The following XPR1 variants were observed in gnomAD, a reference collection of about 807,000 sequenced individuals.
The protein encoded by XPR1 is solute carrier family 53 member 1.
Under a neutral mutation model 87.5 loss-of-function variants are expected in XPR1, and 28 were observed. The observed-to-expected ratio is 0.32, with a 90% CI of 0.24 to 0.44. The LOEUF is 0.44. Among genes scored for constraint, XPR1 ranks in the 20% least tolerant of loss-of-function variants. The pLI is 1.00. For missense variants in XPR1, 559 were observed against 862.3 expected (o/e 0.65, Z 4.41); for synonymous variants, 300 against 306.1 (o/e 0.98, Z 0.21).
At chr1:180,848,001 C>G (rs1490099765) in intron 11 of XPR1, among the ~76,000 whole-genome samples, 4 of 152,048 alleles carry the variant, frequency 2.6e-5, no homozygotes, top group African/African-American at 9.7e-5. Context: ...AAATATCACA[C>G]TCAATAAAGC....
chr1:180,708,048 T>G (rs1657617965), intron 2 of XPR1, among the ~76,000 whole-genome samples: 2 of 152,226 alleles, frequency 1.3e-5, no homozygotes, highest in Admixed American at 1.3e-4. Context: ...ATAGACTATT[T>G]AGGCACAATA....
At chr1:180,790,098 A>G (rs1649318488) in intron 3 of XPR1, among the ~76,000 whole-genome samples, 1 of 152,092 alleles carries the variant, frequency 6.6e-6, no homozygotes, top group African/African-American at 2.4e-5. Flanking sequence ...CTGTTGATGT[A>G]TAATACCATG....
intron 1 of XPR1, among the ~76,000 whole-genome samples, chr1:180,656,616 A>G: frequency 9.4e-6 from 1 of 106,594 alleles, no homozygotes; most frequent in South Asian, 2.5e-4. Context: ...TATGTATAAT[A>G]TATTTTATAT....
Position 180,661,117 on chromosome 1 carries a change from A to G in XPR1, c.70-21243A>G, listed in dbSNP as rs116220330. On this transcript the variant is annotated intron_variant, in intron 1 of 14. Transcript: ENST00000367590. ...ATAGTGACCATTTTTATCTATTCTT[A>G]TATTTTTTGTTTTGGAATCTTTGGT... 7.8e-3 allele frequency among the ~76,000 whole-genome samples: 1,184 copies of G among 151,700 alleles called. 17 individuals carry two copies. The highest frequency in any genetic ancestry group is 0.027 in the African/African-American group (1,129 of 41,360).
At chr1:180,765,500 A>G (rs146093425) in intron 2 of XPR1, among the ~76,000 whole-genome samples, 7 of 152,206 alleles carry the variant, frequency 4.6e-5, no homozygotes, top group Non-Finnish European at 7.4e-5. Flanking sequence ...ACTACTTTCA[A>G]ATACAGTTGT....
intron 4 of XPR1, 55 bp downstream of exon 4, chr1:180,803,666 A>G (rs112249722): frequency 3.4e-6 from 5 of 1,468,066 alleles, no homozygotes; most frequent in Non-Finnish European, 4.7e-6. Flanking sequence ...AGAAATTTCA[A>G]TAAATGGAAG....
intron 11 of XPR1, among the ~76,000 whole-genome samples, chr1:180,855,662 CAAA>C (rs1181380970): frequency 2.5e-5 from 2 of 80,856 alleles, no homozygotes; most frequent in Non-Finnish European, 5.2e-5. Flanking sequence ...GACTGTGTCT[CAAA>C]AAAAAAAAAA....
intron 1 of XPR1, among the ~76,000 whole-genome samples, chr1:180,636,237 G>C (rs1466191197): frequency 6.6e-6 from 1 of 152,188 alleles, no homozygotes; most frequent in Non-Finnish European, 1.5e-5. Context: ...TGATTAGGTA[G>C]GTTTAACTTG....
intron 11 of XPR1, among the ~76,000 whole-genome samples, chr1:180,862,236 A>C (rs1652246948): frequency 1.3e-5 from 2 of 152,022 alleles, no homozygotes; most frequent in African/African-American, 2.4e-5. Flanking sequence ...TTTTTCTAAA[A>C]TACAGATCTG....
chr1:180,865,811 T>C (rs1425029771), intron 12 of XPR1, among the ~76,000 whole-genome samples: 1 of 152,236 alleles, frequency 6.6e-6, no homozygotes, highest in African/African-American at 2.4e-5. Context: ...GTTTCTTTGC[T>C]GTTACATATT....
intron 2 of XPR1, among the ~76,000 whole-genome samples, chr1:180,699,036 C>G (rs762587979): frequency 6.6e-6 from 1 of 152,098 alleles, no homozygotes; most frequent in Non-Finnish European, 1.5e-5. Context: ...GCTTCTGGAT[C>G]TGGATAACCA....
At chr1:180,667,661 G>C (rs1656007459) in intron 1 of XPR1, among the ~76,000 whole-genome samples, 1 of 152,164 alleles carries the variant, frequency 6.6e-6, no homozygotes, top group Non-Finnish European at 1.5e-5. Context: ...TTTTGGAAAA[G>C]TTTGGGAAGG....
intron 2 of XPR1, among the ~76,000 whole-genome samples, chr1:180,740,262 A>G (rs1181561316): frequency 6.6e-6 from 1 of 152,026 alleles, no homozygotes; most frequent in Non-Finnish European, 1.5e-5. Context: ...CTTAGCCTTT[A>G]CCATTAGTTA....
chr1:180,847,122 T>G (rs1426117823), intron 11 of XPR1, among the ~76,000 whole-genome samples: 3 of 152,162 alleles, frequency 2.0e-5, no homozygotes, highest in African/African-American at 4.8e-5. Flanking sequence ...AATGTTGAAG[T>G]CTACACAACA....
intron 2 of XPR1, among the ~76,000 whole-genome samples, chr1:180,731,652 T>G (rs1364983109): frequency 6.6e-6 from 1 of 152,238 alleles, no homozygotes; most frequent in Non-Finnish European, 1.5e-5. Context: ...AAGGTGAAAT[T>G]AAATTTAATA....
At chr1:180,868,517 A>G (rs1209895468) in intron 12 of XPR1, among the ~76,000 whole-genome samples, 2 of 60,274 alleles carry the variant, frequency 3.3e-5, no homozygotes, top group East Asian at 6.1e-4. Context: ...TTCTCCTTGA[A>G]GATGTCCTTC....
intron 12 of XPR1, 67 bp from the exon 13 acceptor site, chr1:180,873,736 C>A: frequency 6.4e-7 from 1 of 1,556,134 alleles, no homozygotes; most frequent in Non-Finnish European, 8.8e-7. Context: ...AGGACATATG[C>A]TCATTGGTAT....
At chr1:180,706,090 G>T (rs1657548230) in intron 2 of XPR1, among the ~76,000 whole-genome samples, 1 of 152,196 alleles carries the variant, frequency 6.6e-6, no homozygotes, top group African/African-American at 2.4e-5. Context: ...GTTATCACTG[G>T]AGAATAGTTA....
intron 2 of XPR1, among the ~76,000 whole-genome samples, chr1:180,751,590 A>G (rs79067681): frequency 0.22 from 33,960 of 152,012 alleles, 3,897 homozygotes; most frequent in Middle Eastern, 0.29. Flanking sequence ...ACATTTGGTG[A>G]GCATTAACAT....
Sources: allele counts gnomAD v4.1 joint callset (sites outside exome capture counted in the v4.1 genomes callset), GRCh38; gene constraint gnomAD v4.1.1; transcripts MANE v1.5; gene names NCBI Gene and HGNC (gene_info 2026-07-23, HGNC 2026-07-21).